Variants in RAI2 observed in about 807,000 individuals in gnomAD.
The protein encoded by RAI2 is retinoic acid induced 2.
A neutral mutation model predicts 15.3 loss-of-function variants in RAI2; 5 were observed. The ratio of observed to expected loss-of-function variants is 0.33; its 90% CI spans 0.17 to 0.69. The LOEUF is 0.69. RAI2 is among the 30% of genes least tolerant of loss of function. The pLI, the probability that RAI2 is intolerant of heterozygous loss-of-function variation, is 0.69. For synonymous variants in RAI2, 191 were observed against 184.0 expected (o/e 1.04, Z -0.31); for missense variants, 424 against 424.7 (o/e 1.00, Z 0.01).
In RAI2 at chrX:17,800,931, C is replaced by T. The variant is rs200971404; in HGVS notation, c.1080G>A (p.Leu360=). ...TGTCCACTGATGCACCACTGTCATA[C>T]AGTGTCTCAGGGGGAGGCTCGGATT... ...HRKSEPPPET[L]YDSGASVDSS... Residue 360 remains leucine (L), a synonymous_variant, in exon 2 of 2, where the codon CTG becomes CTA. Transcript: ENST00000451717. 4.5e-5 allele frequency: 54 copies of T among 1,208,947 alleles called. No homozygotes were observed. The highest frequency in any genetic ancestry group is 5.8e-5 in the Non-Finnish European group (52 of 894,657).
chrX:17,842,965 A>G (rs774005333), intron 1 of RAI2, among the ~76,000 whole-genome samples: 13 of 111,882 alleles, frequency 1.2e-4, no homozygotes, highest in South Asian at 3.8e-4. Flanking sequence ...GTAACACCCA[A>G]TGATATCTTA....
At chrX:17,847,793 A>T (rs1404925510) in intron 1 of RAI2, among the ~76,000 whole-genome samples, 1 of 112,024 alleles carries the variant, frequency 8.9e-6, no homozygotes, top group African/African-American at 3.2e-5. Flanking sequence ...CCAAATATCC[A>T]CAGTGGAGTT....
rs992138584 is a variant in RAI2, at chrX:17,819,326, A to T, written c.-24-17292T>A. ...ATCTCATCCATTACAACAGCTAAAC[A>T]TTTAAAAGACTAGAAACACCAAAAG... On this transcript the variant is annotated intron_variant, in intron 1 of 1. Transcript: ENST00000451717. 4.4e-5 allele frequency among the ~76,000 whole-genome samples: 5 copies of T among 112,513 alleles called. No homozygotes were observed. In the Admixed American group the frequency reaches 4.7e-4, roughly 10 times the overall value.
At chrX:17,839,422 T>C (rs765330995) in intron 1 of RAI2, among the ~76,000 whole-genome samples, 2 of 112,287 alleles carry the variant, frequency 1.8e-5, no homozygotes, top group South Asian at 3.7e-4. Flanking sequence ...AACCAGCCAA[T>C]ATCCAGAAGG....
At chrX:17,838,190 T>C (rs948032032) in intron 1 of RAI2, among the ~76,000 whole-genome samples, 7 of 112,293 alleles carry the variant, frequency 6.2e-5, no homozygotes, top group Admixed American at 1.9e-4. Context: ...TGACTAGAAA[T>C]GGGCTCAAGG....
chrX:17,838,121 G>A (rs752675893), intron 1 of RAI2, among the ~76,000 whole-genome samples: 1 of 112,519 alleles, frequency 8.9e-6, no homozygotes, highest in East Asian at 2.8e-4. Flanking sequence ...AAACTCTAGA[G>A]CAGACACAAC....
chrX:17,823,250 C>T (rs1169951673), intron 1 of RAI2, among the ~76,000 whole-genome samples: 4 of 111,981 alleles, frequency 3.6e-5, no homozygotes, highest in Non-Finnish European at 7.5e-5. Context: ...TGAAACAGTT[C>T]CTGGCACATG....
At chrX:17,819,751 C>T (rs948077852) in intron 1 of RAI2, among the ~76,000 whole-genome samples, 1 of 112,104 alleles carries the variant, frequency 8.9e-6, no homozygotes, top group Non-Finnish European at 1.9e-5. Flanking sequence ...ATTTCATTGA[C>T]GCAAAGTCGA....
chrX:17,826,469 C>T (rs998372737), intron 1 of RAI2, among the ~76,000 whole-genome samples: 8 of 110,428 alleles, frequency 7.2e-5, no homozygotes, highest in Non-Finnish European at 9.5e-5. Flanking sequence ...CAGAATAATA[C>T]CTGGTTCATA....
At chrX:17,840,825 CT>C in intron 1 of RAI2, among the ~76,000 whole-genome samples, 1 of 112,073 alleles carries the variant, frequency 8.9e-6, no homozygotes, top group East Asian at 2.8e-4. Flanking sequence ...TGCACACATC[CT>C]TTCTACTCAC....
chrX:17,824,200 T>C (rs1490385772), intron 1 of RAI2, among the ~76,000 whole-genome samples: 1 of 112,637 alleles, frequency 8.9e-6, no homozygotes, highest in African/African-American at 3.2e-5. Context: ...ATCATTCATA[T>C]CCACTGACCT....
intron 1 of RAI2, among the ~76,000 whole-genome samples, chrX:17,840,952 C>T (rs1014278071): frequency 8.9e-6 from 1 of 111,996 alleles, no homozygotes; most frequent in Non-Finnish European, 1.9e-5. Context: ...GGGGACTAAC[C>T]AGCAATCACT....
intron 1 of RAI2, among the ~76,000 whole-genome samples, chrX:17,836,611 G>T (rs889467478): frequency 8.9e-6 from 1 of 111,971 alleles, no homozygotes; most frequent in African/African-American, 3.3e-5. Context: ...TATTTATTAT[G>T]GTCCTCCCCT....
intron 1 of RAI2, among the ~76,000 whole-genome samples, chrX:17,839,662 C>A (rs755434978): frequency 1.8e-5 from 2 of 112,540 alleles, no homozygotes; most frequent in Non-Finnish European, 3.7e-5. Flanking sequence ...AGCGTATGCA[C>A]CATTTAACTC....
At chrX:17,816,366 C>T (rs372464178) in intron 1 of RAI2, among the ~76,000 whole-genome samples, 14 of 111,999 alleles carry the variant, frequency 1.3e-4, no homozygotes, top group African/African-American at 3.9e-4. Flanking sequence ...GCAGGGAAGG[C>T]ACTTCTGGAG....
chrX:17,835,178 C>A (rs2067321045), intron 1 of RAI2, among the ~76,000 whole-genome samples: 1 of 112,229 alleles, frequency 8.9e-6, no homozygotes, highest in Non-Finnish European at 1.9e-5. Context: ...CTATTAGTAA[C>A]ATAGCGAAGT....
intron 1 of RAI2, among the ~76,000 whole-genome samples, chrX:17,847,489 C>T (rs2067477431): frequency 8.8e-6 from 1 of 113,235 alleles, no homozygotes; most frequent in Non-Finnish European, 1.9e-5. Flanking sequence ...CTTTTCTGCT[C>T]ATCACTCAGA....
In RAI2 at chrX:17,801,214, T is replaced by C. The variant is rs1246615750; in HGVS notation, c.797A>G (p.Lys266Arg). 8.3e-7 allele frequency: 1 copy of C among 1,210,699 alleles called. No individual in the cohort carries two copies. Among genetic ancestry groups the C allele is most frequent in the East Asian group, 3.0e-5 (1 of 33,792 alleles). The change falls in exon 2 of 2, where the codon AAG (lysine) becomes AGG (arginine). Residue 266 changes from lysine (K) to arginine (R), a missense_variant. By Grantham distance (26) the Lys-to-Arg change is conservative. Transcript: ENST00000451717. ...SESKFSSSFP[K>R]PPSSFGLHPF... The stretch of plus-strand genomic sequence containing the variant: ...GTGCAGGCCGAAGGAAGATGGTGGC[T>C]TGGGGAAACTGGAGCTGAACTTGGA...
chrX:17,831,987 A>C (rs2067287093), intron 1 of RAI2, among the ~76,000 whole-genome samples: 1 of 112,101 alleles, frequency 8.9e-6, no homozygotes, highest in South Asian at 3.8e-4. Context: ...TATTGTCTCT[A>C]ATCAAAGCAA....
Sources: allele counts gnomAD v4.1 joint callset (sites outside exome capture counted in the v4.1 genomes callset), GRCh38; gene constraint gnomAD v4.1.1; transcripts MANE v1.5; gene names NCBI Gene and HGNC (gene_info 2026-07-23, HGNC 2026-07-21).